DNAH6: variants seen among roughly 807,000 people sequenced by gnomAD.
The protein encoded by DNAH6 is axonemal beta dynein heavy chain 6.
A neutral mutation model predicts 491.4 loss-of-function variants in DNAH6; 340 were observed. The observed-to-expected ratio is 0.69, with a 90% CI of 0.63 to 0.76. DNAH6 has a LOEUF of 0.76. DNAH6 is among the 30% of genes least tolerant of loss of function. The probability of loss-of-function intolerance (pLI) is 0.00; values close to 1 mark genes in which losing one functional copy is unlikely to be tolerated. For missense variants in DNAH6, 4,443 were observed against 4,972.2 expected (o/e 0.89, Z 3.20); for synonymous variants, 1,603 against 1,686.1 (o/e 0.95, Z 1.21).
chr2:84,765,031 C>G (rs1674946476), intron 64 of DNAH6, among the ~76,000 whole-genome samples: 1 of 150,642 alleles, frequency 6.6e-6, no homozygotes. Context: ...TAATGTCTAT[C>G]AATATGACTA....
At chr2:84,808,131 ATGTGTGTGTGTGTG>A (rs35839006) in intron 71 of DNAH6, among the ~76,000 whole-genome samples, 1,441 of 141,250 alleles carry the variant, frequency 0.01, 23 homozygotes, top group African/African-American at 0.036. Context: ...GTGTATATAT[ATGTGTGTGTGTGTG>A]TGTGTGTGTG....
At chr2:84,573,435 G>A in intron 11 of DNAH6, 32 bp from the exon 12 acceptor site, 1 of 1,544,284 alleles carries the variant, frequency 6.5e-7, no homozygotes, top group Non-Finnish European at 8.7e-7. Flanking sequence ...CAAAAATATG[G>A]TCATATTTGT....
Position 84,525,655 on chromosome 2 carries a change from C to A in DNAH6, c.316C>A (p.Arg106Ser). ...GTTAATGACTGCAGGAATCATTAAA[C>A]GTCCAGTAAGCATAGCAAAAAAAAG... ...FQLMTAGIIK[R>S]PVSIAKKSFA... Residue 106 changes from arginine (R) to serine (S), a missense_variant, in exon 3 of 77, where the codon CGT (arginine) becomes AGT (serine). Coordinates refer to ENST00000389394, the MANE Select transcript of DNAH6 (RefSeq NM_001370.2). 1 of 1,550,418 alleles carries A rather than the reference C, an allele frequency of 6.4e-7. No homozygotes were observed. Among genetic ancestry groups the A allele is most frequent in the East Asian group, 2.4e-5 (1 of 40,830 alleles).
At chr2:84,542,394 CAT>C (rs1371490965) in intron 4 of DNAH6, among the ~76,000 whole-genome samples, 7 of 152,134 alleles carry the variant, frequency 4.6e-5, no homozygotes, top group African/African-American at 1.4e-4. Flanking sequence ...AAATGTATTC[CAT>C]ATTCCTCACC....
rs556947656 is a variant in DNAH6, at chr2:84,663,410, A to C, written c.6084+4241A>C. On this transcript the variant is annotated intron_variant, in intron 37 of 76. Coordinates refer to ENST00000389394, the MANE Select transcript of DNAH6 (RefSeq NM_001370.2). ...CATGAAGAAGACCTTAAATGACCTG[A>C]TGGAGCTGAAAACCATGGCACGAGA... Among the ~76,000 whole-genome samples, 24 of 152,340 alleles carry C rather than the reference A, an allele frequency of 1.6e-4. No individual in the cohort carries two copies. The East Asian group carries it at 3.7e-3, about 23-fold the overall frequency.
chr2:84,493,870 C>T, the DNAH6 span, among the ~76,000 whole-genome samples: 2 of 152,154 alleles, frequency 1.3e-5, no homozygotes, highest in African/African-American at 4.8e-5. Context: ...GAAACTGGTC[C>T]ATGATAGGCT....
At position 84,715,076 on chromosome 2, in the gene DNAH6, C is replaced by T. The variant is rs371449137; in HGVS notation, c.9544-484C>T. On this transcript the variant is annotated intron_variant, in intron 57 of 76. Coordinates refer to ENST00000389394, the MANE Select transcript of DNAH6 (RefSeq NM_001370.2). Reference sequence around the variant, plus strand: ...TTTATCAATAATAGCTTCTTTCAAGCAAAGACACACTGTATCATAAGTAAC... The same window carrying T: ...TTTATCAATAATAGCTTCTTTCAAGTAAAGACACACTGTATCATAAGTAAC... Among the ~76,000 whole-genome samples, 5 of 152,034 alleles carry T rather than the reference C, an allele frequency of 3.3e-5. No homozygotes were observed. In the East Asian group the frequency reaches 7.8e-4, roughly 24 times the overall value.
chr2:84,487,457 A>C, the DNAH6 span, among the ~76,000 whole-genome samples: 1 of 152,200 alleles, frequency 6.6e-6, no homozygotes, highest in East Asian at 1.9e-4. Context: ...GAGCAACTGC[A>C]ATGGTATTCA....
At chr2:84,490,889 C>A in the DNAH6 span, among the ~76,000 whole-genome samples, 1 of 152,132 alleles carries the variant, frequency 6.6e-6, no homozygotes, top group African/African-American at 2.4e-5. Flanking sequence ...AATTGGGTTT[C>A]TTTCACTTAG....
rs143177263 is a variant in DNAH6, at chr2:84,613,121, G to A, written c.3475+1267G>A. Among the ~76,000 whole-genome samples, 483 of 151,866 alleles carry A rather than the reference G, an allele frequency of 3.2e-3. 1 individual carries two copies. Among genetic ancestry groups the A allele is most frequent in the African/African-American group, 0.011 (463 of 41,346 alleles). ...AAGCTATGAAGAAAAATAAAGTAGG[G>A]TAAATTGGTGAGAGAGAGAGAGAGT... On this transcript the variant is annotated intron_variant, in intron 22 of 76. Transcript: ENST00000389394.
chr2:84,576,845 A>G (rs1682498549), intron 12 of DNAH6, among the ~76,000 whole-genome samples: 1 of 152,328 alleles, frequency 6.6e-6, no homozygotes, highest in East Asian at 1.9e-4. Context: ...GTGATCTCTT[A>G]TATTTCAAAT....
the DNAH6 span, among the ~76,000 whole-genome samples, chr2:84,461,598 A>G: frequency 6.6e-6 from 1 of 152,168 alleles, no homozygotes; most frequent in Admixed American, 6.5e-5. Flanking sequence ...GAAACTCCCT[A>G]TTTCATAAGA....
chr2:84,581,100 A>T (rs2104011447), intron 14 of DNAH6, among the ~76,000 whole-genome samples: 1 of 152,330 alleles, frequency 6.6e-6, no homozygotes, highest in Non-Finnish European at 1.5e-5. Flanking sequence ...TATTGATTCT[A>T]AAGGCCTAGT....
At chr2:84,589,147 A>G (rs1389623226) in intron 16 of DNAH6, among the ~76,000 whole-genome samples, 193 bp downstream of exon 16, 1 of 152,250 alleles carries the variant, frequency 6.6e-6, no homozygotes, top group Non-Finnish European at 1.5e-5. Context: ...ACTAACACAC[A>G]TGAGATACCG....
At chr2:84,484,084 T>G in the DNAH6 span, among the ~76,000 whole-genome samples, 1 of 152,156 alleles carries the variant, frequency 6.6e-6, no homozygotes, top group Non-Finnish European at 1.5e-5. Context: ...ATAACTACTC[T>G]AAAAGATTTG....
intron 14 of DNAH6, among the ~76,000 whole-genome samples, chr2:84,580,577 A>G (rs1413043040): frequency 6.6e-6 from 1 of 152,238 alleles, no homozygotes; most frequent in East Asian, 1.9e-4. Flanking sequence ...TATTAACCAA[A>G]TTAATAATAA....
intron 59 of DNAH6, among the ~76,000 whole-genome samples, chr2:84,721,325 A>G (rs1048244002): frequency 2.0e-5 from 3 of 152,004 alleles, no homozygotes; most frequent in African/African-American, 7.2e-5. Flanking sequence ...TTTCCTACTC[A>G]ACTCTGCCCT....
the DNAH6 span, among the ~76,000 whole-genome samples, chr2:84,511,198 C>G: frequency 6.6e-6 from 1 of 152,210 alleles, no homozygotes; most frequent in African/African-American, 2.4e-5. Flanking sequence ...AGGCAGGCCT[C>G]CTTGAACTGC....
intron 45 of DNAH6, among the ~76,000 whole-genome samples, chr2:84,692,530 T>G (rs1223938729): frequency 6.6e-6 from 1 of 152,156 alleles, no homozygotes; most frequent in Non-Finnish European, 1.5e-5. Context: ...TAATTAAACC[T>G]GCTTTTATAT....
Sources: gnomAD v4.1 joint callset for allele counts (sites outside exome capture counted in the v4.1 genomes callset) on GRCh38, gnomAD v4.1.1 for gene constraint, MANE v1.5 for transcripts, NCBI Gene and HGNC (gene_info 2026-07-23, HGNC 2026-07-21) for gene names.